The following PRTG variants were observed in gnomAD, a reference collection of about 807,000 sequenced individuals.
PRTG encodes the protein immunoglobulin superfamily, DCC subclass, member 5.
A neutral mutation model predicts 122.5 loss-of-function variants in PRTG; 67 were observed. The ratio of observed to expected loss-of-function variants is 0.55; its 90% CI spans 0.45 to 0.67. PRTG has a LOEUF of 0.67. PRTG is among the 30% of genes least tolerant of loss of function. The pLI is 0.00. For synonymous variants in PRTG, 554 were observed against 501.1 expected (o/e 1.11, Z -1.41); for missense variants, 1,435 against 1,415.4 (o/e 1.01, Z -0.22).
rs1449499160 is a variant in PRTG, at chr15:55,693,181, G to A, written c.398-9250C>T. On this transcript the variant is annotated intron_variant, in intron 2 of 19. Coordinates refer to ENST00000389286, the MANE Select transcript of PRTG (RefSeq NM_173814.6). ...TTTTTTTAAAAGACTAAGTGGCAGG[G>A]TGTGGTGGCTCACGCCTATAATCCC... Among the ~76,000 whole-genome samples the A allele has an allele frequency of 2.6e-5, 4 of 152,090 alleles. No individual in the cohort carries two copies. The East Asian group carries it at 5.8e-4, about 22-fold the overall frequency.
At chr15:55,622,186 T>C (rs1281580217) in intron 18 of PRTG, among the ~76,000 whole-genome samples, 2 of 150,738 alleles carry the variant, frequency 1.3e-5, no homozygotes, top group African/African-American at 4.9e-5. Flanking sequence ...AAACTAGTAA[T>C]AATACAATCA....
intron 2 of PRTG, among the ~76,000 whole-genome samples, chr15:55,714,286 G>A (rs2030515699): frequency 6.6e-6 from 1 of 151,224 alleles, no homozygotes; most frequent in Admixed American, 6.6e-5. Flanking sequence ...GTGCAGTGGT[G>A]ATACCATAGC....
At chr15:55,654,164 G>A (rs2059368100) in intron 11 of PRTG, among the ~76,000 whole-genome samples, 1 of 152,178 alleles carries the variant, frequency 6.6e-6, no homozygotes, top group South Asian at 2.1e-4. Flanking sequence ...CACTGTGGAA[G>A]AAAGGAACCT....
intron 11 of PRTG, among the ~76,000 whole-genome samples, chr15:55,646,914 C>A (rs1021664220): frequency 6.6e-6 from 1 of 152,142 alleles, no homozygotes; most frequent in Non-Finnish European, 1.5e-5. Context: ...CCATCTTCTC[C>A]CTGCTGTCCC....
At chr15:55,629,409 G>A (rs970889020) in intron 15 of PRTG, among the ~76,000 whole-genome samples, 2 of 124,998 alleles carry the variant, frequency 1.6e-5, no homozygotes, top group African/African-American at 3.5e-5. Context: ...GTGTGTGTGT[G>A]TGTGTGTGTG....
intron 17 of PRTG, among the ~76,000 whole-genome samples, chr15:55,624,859 G>A (rs998766271): frequency 6.6e-6 from 1 of 152,106 alleles, no homozygotes; most frequent in Non-Finnish European, 1.5e-5. Context: ...ATTAATGATG[G>A]TAAATTTAGA....
At chr15:55,665,318 C>T (rs1226603046) in intron 11 of PRTG, among the ~76,000 whole-genome samples, 2 of 151,840 alleles carry the variant, frequency 1.3e-5, no homozygotes, top group South Asian at 2.1e-4. Flanking sequence ...CTTACCCTTA[C>T]GTGTTAAAAC....
At chr15:55,717,055 A>G (rs1234782459) in intron 2 of PRTG, among the ~76,000 whole-genome samples, 1 of 152,240 alleles carries the variant, frequency 6.6e-6, no homozygotes, top group Non-Finnish European at 1.5e-5. Flanking sequence ...GGCTTAGGTT[A>G]CATGACATAG....
intron 2 of PRTG, among the ~76,000 whole-genome samples, chr15:55,687,566 AT>A (rs886616258): frequency 6.6e-6 from 1 of 152,180 alleles, no homozygotes; most frequent in South Asian, 2.1e-4. Context: ...AATCCCTAAG[AT>A]TTTTTTATTA....
In PRTG at chr15:55,652,707, C is replaced by T. The variant is rs192747472; in HGVS notation, c.2042-11499G>A. On this transcript the variant is annotated intron_variant, in intron 11 of 19. Transcript: ENST00000389286. The stretch of plus-strand genomic sequence containing the variant: ...GGAAAGGGAGCCGAGTGAAACGCTA[C>T]GATAAAATGCTATGTGTAAGCACAG... Among the ~76,000 whole-genome samples the T allele has an allele frequency of 2.4e-4, 36 of 152,216 alleles. No homozygotes were observed. In the South Asian group the frequency reaches 2.5e-3, roughly 11 times the overall value.
At chr15:55,739,833 T>C (rs1386174747) in intron 2 of PRTG, among the ~76,000 whole-genome samples, 6 of 152,200 alleles carry the variant, frequency 3.9e-5, no homozygotes, top group Admixed American at 3.9e-4. Context: ...CCTTAATCTC[T>C]TTCCCTCCCA....
intron 2 of PRTG, among the ~76,000 whole-genome samples, chr15:55,715,220 G>T (rs2141860106): frequency 6.6e-6 from 1 of 152,274 alleles, no homozygotes; most frequent in East Asian, 1.9e-4. Context: ...TTTCTCATTT[G>T]CATCCTTGCC....
At chr15:55,687,221 A>T (rs1279920782) in intron 2 of PRTG, among the ~76,000 whole-genome samples, 1 of 152,230 alleles carries the variant, frequency 6.6e-6, no homozygotes, top group Non-Finnish European at 1.5e-5. Context: ...CGGGGTGAGA[A>T]GAAAATAGTG....
At chr15:55,692,467 G>A (rs1362036936) in intron 2 of PRTG, among the ~76,000 whole-genome samples, 3 of 152,146 alleles carry the variant, frequency 2.0e-5, no homozygotes, top group Non-Finnish European at 4.4e-5. Context: ...GGCCCGTAAA[G>A]GTTGGGGGAT....
chr15:55,697,084 A>C (rs958684946), intron 2 of PRTG, among the ~76,000 whole-genome samples: 4 of 152,162 alleles, frequency 2.6e-5, no homozygotes, highest in African/African-American at 9.7e-5. Context: ...CTCTCTGCCA[A>C]ATGCTAGACC....
rs373423650 is a variant in PRTG at position 55,740,468 on chromosome 15, T to A, written c.311A>T (p.Glu104Val). The A allele has an allele frequency of 6.2e-7, 1 of 1,614,178 alleles. No individual in the cohort carries two copies. Among genetic ancestry groups the A allele is most frequent in the South Asian group, 1.1e-5 (1 of 91,078 alleles). The change falls in exon 2 of 20, where the codon GAG (glutamate) becomes GTG (valine). Residue 104 changes from glutamate to valine, a missense_variant. Glu to Val is a moderately radical substitution (Grantham distance 121). Coordinates refer to ENST00000389286, the MANE Select transcript of PRTG (RefSeq NM_173814.6). The part of the protein sequence containing the change: ...YISEVEGRRG[E>V]QSDEGFYQCL... ...CTGATAAAATCCTTCATCGGACTGC[T>A]CTCCTCGCCTGCCTTCCACCTCACT...
At chr15:55,658,605 C>T (rs544565708) in intron 11 of PRTG, among the ~76,000 whole-genome samples, 5 of 152,290 alleles carry the variant, frequency 3.3e-5, no homozygotes, top group African/African-American at 4.8e-5. Flanking sequence ...CGTGAGCCAA[C>T]GTGCCCACCC....
In PRTG at chr15:55,612,697, A is replaced by ATATATATAT. The variant is rs2059125551; in HGVS notation, c.*7314_*7315insATATATATA. The ATATATATAT allele has an allele frequency of 4.1e-5, 5 of 120,748 alleles. No homozygotes were observed. Among genetic ancestry groups the ATATATATAT allele is most frequent in the African/African-American group, 1.9e-4 (4 of 21,352 alleles). 7.5% of individuals were successfully genotyped at this position (120,748 alleles called of 1,614,324 possible). A position where few individuals can be genotyped will look rare whatever the true frequency, so the allele number is the denominator to read the frequency against. On this transcript the variant is annotated 3_prime_UTR_variant, in exon 20 of 20. Coordinates refer to ENST00000389286, the MANE Select transcript of PRTG (RefSeq NM_173814.6). ...TTCTCTCTTTAACTCTTTAAAAGCCAATATATATATATATATATATATATA... is the reference window on the plus strand; with the variant it reads ...TTCTCTCTTTAACTCTTTAAAAGCCATATATATATATATATATATATATATATATATATA...
intron 17 of PRTG, 96 bp from the exon 18 acceptor site, chr15:55,624,603 A>G (rs2059185040): frequency 5.4e-6 from 5 of 932,662 alleles, no homozygotes. Flanking sequence ...TAAGCAATGC[A>G]GTTCTTTAAT....
Sources: gnomAD v4.1 joint callset for allele counts (sites outside exome capture counted in the v4.1 genomes callset) on GRCh38, gnomAD v4.1.1 for gene constraint, MANE v1.5 for transcripts, NCBI Gene and HGNC (gene_info 2026-07-23, HGNC 2026-07-21) for gene names.